The following CRMP1 variants were observed in gnomAD, a reference collection of about 807,000 sequenced individuals.
CRMP1 encodes the protein dihydropyrimidinase-related protein 1.
A neutral mutation model predicts 68.3 loss-of-function variants in CRMP1; 19 were observed. The ratio of observed to expected loss-of-function variants is 0.28; its 90% confidence interval spans 0.19 to 0.41. The LOEUF is 0.41. CRMP1 is among the 10% of genes least tolerant of loss of function. The pLI is 1.00. For missense variants in CRMP1, 791 were observed against 967.4 expected (o/e 0.82, Z 2.42); for synonymous variants, 439 against 399.6 (o/e 1.10, Z -1.18).
At chr4:5,862,318 C>T (rs1387013213) in intron 2 of CRMP1, among the ~76,000 whole-genome samples, 1 of 148,032 alleles carries the variant, frequency 6.8e-6, no homozygotes, top group East Asian at 1.9e-4. Flanking sequence ...AATCCCTTAC[C>T]CCCAGAATGT....
intron 8 of CRMP1, 104 bp from the exon 9 acceptor site, chr4:5,839,782 G>C: frequency 7.6e-7 from 1 of 1,319,520 alleles, no homozygotes; most frequent in Non-Finnish European, 1.0e-6. Context: ...GGGGCTGGCT[G>C]AAGGCCAGAA....
Position 5,844,137 on chromosome 4 carries a change from C to T in CRMP1, c.964-976G>A, listed in dbSNP as rs562790329. Among the ~76,000 whole-genome samples the T allele has an allele frequency of 6.6e-5, 10 of 152,080 alleles. No individual in the cohort carries two copies. The South Asian group carries it at 2.1e-3, about 32-fold the overall frequency. ...ACTGCGCGTCTATGGTTATTAAGCT[C>T]GAGGTTATTACAAGAATATAAATGG... On this transcript the variant is annotated intron_variant, in intron 6 of 13. Coordinates refer to ENST00000324989, the MANE Select transcript of CRMP1 (RefSeq NM_001014809.3).
At chr4:5,884,836 C>T (rs1003145402) in intron 1 of CRMP1, among the ~76,000 whole-genome samples, 8 of 152,114 alleles carry the variant, frequency 5.3e-5, no homozygotes, top group Non-Finnish European at 1.0e-4. Flanking sequence ...CTCCCCACTT[C>T]GGTAGCTCTA....
chr4:5,828,798 T>C, intron 11 of CRMP1, 130 bp from the exon 12 acceptor site: 4 of 1,117,080 alleles, frequency 3.6e-6, no homozygotes, highest in Non-Finnish European at 5.0e-6. Context: ...TAAAAATACC[T>C]TTTATTGACT....
chr4:5,840,741 C>G (rs762991290), intron 8 of CRMP1, among the ~76,000 whole-genome samples: 1 of 152,204 alleles, frequency 6.6e-6, no homozygotes, highest in Admixed American at 6.5e-5. Flanking sequence ...CGGCTGGTAC[C>G]GCTTCCAGAT....
chr4:5,825,347 T>C lies in CRMP1; in HGVS notation c.1969+147A>G. On this transcript the variant is annotated intron_variant, in intron 13 of 13. Transcript: ENST00000324989. This position sits in a 1 kb window ranked among gnomAD's most constrained non-coding sequence, Gnocchi z 4.4. ...ATGCCAGCCCACTCTGCCCCACCAGTGAGAGCAGGCTCGGGTGGGGCACAC... is the reference window on the plus strand; with the variant it reads ...ATGCCAGCCCACTCTGCCCCACCAGCGAGAGCAGGCTCGGGTGGGGCACAC... 2 of 1,409,702 alleles carry C rather than the reference T, an allele frequency of 1.4e-6. No homozygotes were observed. The highest frequency in any genetic ancestry group is 1.8e-6 in the Non-Finnish European group (2 of 1,089,892). 87.3% of individuals were successfully genotyped at this position (1,409,702 alleles called of 1,614,324 possible). A position where few individuals can be genotyped will look rare whatever the true frequency, so the allele number is the denominator to read the frequency against.
At chr4:5,887,904 C>A in intron 1 of CRMP1, 1 of 684,372 alleles carries the variant, frequency 1.5e-6, no homozygotes, top group Non-Finnish European at 1.9e-6. Context: ...CGGACCCCTG[C>A]CCCTCCCTCT....
chr4:5,845,017 G>A (rs535610062), intron 6 of CRMP1, among the ~76,000 whole-genome samples: 74 of 152,320 alleles, frequency 4.9e-4, no homozygotes, highest in Admixed American at 2.9e-3. Flanking sequence ...TCTACACACC[G>A]ATGAAATAGA....
chr4:5,842,414 G>C lies in CRMP1; in HGVS notation c.1032+679C>G, dbSNP rs1711811780. 7.4e-6 allele frequency among the ~76,000 whole-genome samples: 1 copy of C among 135,060 alleles called. No individual in the cohort carries two copies. The highest frequency in any genetic ancestry group is 1.5e-5 in the Non-Finnish European group (1 of 64,790). The allele number at this position is 135,060 out of a possible 152,430, so 88.6% of individuals were successfully genotyped here. ...ACTGCACTGTAGCCTGGGCAACAGA[G>C]AGAGACTCCATCTCAAAAAAAAAAA... On this transcript the variant is annotated intron_variant, in intron 7 of 13. Transcript: ENST00000324989. The surrounding 1 kb of genome is among the most constrained non-coding windows in gnomAD (Gnocchi z 4.5).
intron 12 of CRMP1, chr4:5,826,626 G>A (rs1406142095): frequency 2.0e-5 from 3 of 152,342 alleles, no homozygotes; most frequent in East Asian, 3.9e-4. Flanking sequence ...GGTGACCTCA[G>A]GGATGGCCAA....
In CRMP1 at chr4:5,841,460, G is replaced by A; in HGVS notation, c.1033-32C>T. On this transcript the variant is annotated intron_variant, in intron 7 of 13. Transcript: ENST00000324989. This position sits in a 1 kb window ranked among gnomAD's most constrained non-coding sequence, Gnocchi z 6.9. ...ACGGCACACACAGTGTCACAGGAGG[G>A]AAGGCTGGTGTAACAGCTACCACCC... 1 of 1,611,636 alleles carries A rather than the reference G, an allele frequency of 6.2e-7. No homozygotes were observed. Among genetic ancestry groups the A allele is most frequent in the Non-Finnish European group, 8.5e-7 (1 of 1,178,054 alleles).
At chr4:5,828,761 G>A (rs1212294837) in intron 11 of CRMP1, 93 bp from the exon 12 acceptor site, 2 of 1,415,618 alleles carry the variant, frequency 1.4e-6, no homozygotes, top group Admixed American at 2.4e-5. Flanking sequence ...TATATCATAA[G>A]CGTGTTCCAA....
In CRMP1 at chr4:5,866,784, T is replaced by A. The variant is rs1714031583; in HGVS notation, c.382-28A>T. Reference sequence around the variant, plus strand: ...GCAAAGCAAGGCAAAGTATTAAGGATCCTTGGTGAAAAGCCAGGATAAAGT... The same window carrying A: ...GCAAAGCAAGGCAAAGTATTAAGGAACCTTGGTGAAAAGCCAGGATAAAGT... On this transcript the variant is annotated intron_variant, in intron 1 of 13. Coordinates refer to ENST00000324989, the MANE Select transcript of CRMP1 (RefSeq NM_001014809.3). The surrounding 1 kb of genome is among the most constrained non-coding windows in gnomAD (Gnocchi z 5.9). 2.0e-6 allele frequency: 3 copies of A among 1,514,058 alleles called. No individual in the cohort carries two copies. In the South Asian group the frequency reaches 3.7e-5, roughly 19 times the overall value. 93.8% of individuals were successfully genotyped at this position (1,514,058 alleles called of 1,614,324 possible).
At chr4:5,856,336 C>A in intron 3 of CRMP1, 29 bp from the exon 4 acceptor site, 1 of 1,608,182 alleles carries the variant, frequency 6.2e-7, no homozygotes, top group South Asian at 1.1e-5. Context: ...CATCATGATG[C>A]TTCAGACTCA....
chr4:5,836,962 C>A (rs1005331640), intron 9 of CRMP1, 56 bp from the exon 10 acceptor site: 36 of 1,543,136 alleles, frequency 2.3e-5, no homozygotes, highest in Non-Finnish European at 2.8e-5. Context: ...GAAGGCAAAT[C>A]CTGACTTCAG....
chr4:5,843,099 A>G lies in CRMP1; in HGVS notation c.1026T>C (p.Pro342=). 2 of 1,614,086 alleles carry G rather than the reference A, an allele frequency of 1.2e-6. No homozygotes were observed. Among genetic ancestry groups the G allele is most frequent in the Non-Finnish European group, 1.7e-6 (2 of 1,179,996 alleles). The change falls in exon 7 of 14, where the codon CCT becomes CCC. Residue 342 remains proline (P), a synonymous_variant. Transcript: ENST00000324989. This position sits in a 1 kb window ranked among gnomAD's most constrained non-coding sequence, Gnocchi z 4.1. ...CAAGTTGAGGAGTCCTTACCTCTTCAGGTCTGCTCAGGGCATGGCCCTCGG... is the reference window on the plus strand; with the variant it reads ...CAAGTTGAGGAGTCCTTACCTCTTCGGGTCTGCTCAGGGCATGGCCCTCGG... ...TGPEGHALSR[P]EELEAEAVFR... is the part of the protein sequence containing the mutation.
At chr4:5,886,321 G>A (rs1298393799) in intron 1 of CRMP1, among the ~76,000 whole-genome samples, 4 of 152,236 alleles carry the variant, frequency 2.6e-5, no homozygotes, top group Non-Finnish European at 5.9e-5. Flanking sequence ...AGCAAGACCT[G>A]TCGGCAGATC....
chr4:5,824,329 G>T lies in CRMP1; in HGVS notation c.1969+1165C>A, dbSNP rs529701572. On this transcript the variant is annotated intron_variant, in intron 13 of 13. Coordinates refer to ENST00000324989, the MANE Select transcript of CRMP1 (RefSeq NM_001014809.3). ...TAGGGTCCATTTTGTGCAAAAATATGAAACACTGGAAGCTCTTCCATCAAA... is the reference window on the plus strand; with the variant it reads ...TAGGGTCCATTTTGTGCAAAAATATTAAACACTGGAAGCTCTTCCATCAAA... 3.0e-6 allele frequency: 3 copies of T among 985,380 alleles called. No homozygotes were observed. In the East Asian group the frequency reaches 3.4e-4, roughly 112 times the overall value. The allele number at this position is 985,380 out of a possible 1,614,324, so 61.0% of individuals were successfully genotyped here. A position where few individuals can be genotyped will look rare whatever the true frequency, so the allele number is the denominator to read the frequency against.
Position 5,855,287 on chromosome 4 carries a change from C to T in CRMP1, c.820+856G>A, listed in dbSNP as rs774584448. ...AATATTGGGGATGATACTGTTATTA[C>T]GAGAAAACATAGCACAGCTATTTTA... On this transcript the variant is annotated intron_variant, in intron 4 of 13. Transcript: ENST00000324989. This position sits in a 1 kb window ranked among gnomAD's most constrained non-coding sequence, Gnocchi z 4.9. Among the ~76,000 whole-genome samples, 2 of 152,112 alleles carry T rather than the reference C, an allele frequency of 1.3e-5. No individual in the cohort carries two copies. The highest frequency in any genetic ancestry group is 2.4e-5 in the African/African-American group (1 of 41,406).
Sources: allele counts gnomAD v4.1 joint callset (sites outside exome capture counted in the v4.1 genomes callset), GRCh38; gene constraint gnomAD v4.1.1; non-coding constraint Gnocchi (gnomAD v3.1); transcripts MANE v1.5; gene names NCBI Gene and HGNC (gene_info 2026-07-23, HGNC 2026-07-21).